Variants in SH3PXD2B observed in about 807,000 individuals in gnomAD.
The protein encoded by SH3PXD2B is SH3 and PX domains 2B.
In SH3PXD2B, 37 loss-of-function variants were observed where a neutral mutation model predicts 73.1. The ratio of observed to expected loss-of-function variants is 0.51; its 90% CI spans 0.39 to 0.67. The LOEUF is 0.67. Ranked by LOEUF, SH3PXD2B falls within the 30% of genes least tolerant of loss-of-function variation. The pLI is 0.00. For synonymous variants in SH3PXD2B, 457 were observed against 480.5 expected (o/e 0.95, Z 0.64); for missense variants, 1,053 against 1,197.8 (o/e 0.88, Z 1.78).
At chr5:172,428,551 C>T (rs906529665) in intron 1 of SH3PXD2B, among the ~76,000 whole-genome samples, 8 of 152,216 alleles carry the variant, frequency 5.3e-5, no homozygotes, top group African/African-American at 9.7e-5. Context: ...GGCTGTTGAA[C>T]AGGACACTCA....
At chr5:172,413,169 C>T (rs958403885) in intron 2 of SH3PXD2B, among the ~76,000 whole-genome samples, 6 of 152,226 alleles carry the variant, frequency 3.9e-5, no homozygotes, top group Non-Finnish European at 7.3e-5. Context: ...GGCCTGGGGC[C>T]ATCATGCGCA....
At chr5:172,357,828 A>G (rs1036687978) in intron 8 of SH3PXD2B, among the ~76,000 whole-genome samples, 1 of 152,206 alleles carries the variant, frequency 6.6e-6, no homozygotes, top group Non-Finnish European at 1.5e-5. Flanking sequence ...ACCTTTGGGC[A>G]CAGAAATTTC....
At chr5:172,372,345 T>C (rs1446022324) in intron 6 of SH3PXD2B, among the ~76,000 whole-genome samples, 1 of 151,740 alleles carries the variant, frequency 6.6e-6, no homozygotes, top group African/African-American at 2.4e-5. Context: ...CTCTCTCTCT[T>C]GGTCCTGCTC....
chr5:172,449,199 C>T lies in SH3PXD2B; in HGVS notation c.75+5079G>A, dbSNP rs537677449. Among the ~76,000 whole-genome samples, 6 of 152,228 alleles carry T rather than the reference C, an allele frequency of 3.9e-5. No individual in the cohort carries two copies. The South Asian group carries it at 8.3e-4, about 21-fold the overall frequency. ...TGGGGTGAGAATGACTAAGGGCTGG[C>T]GGTGGCTTGCACTTCTTCAGTCGGG... On this transcript the variant is annotated intron_variant, in intron 1 of 12. Transcript: ENST00000311601.
At chr5:172,329,075 A>ATTTTTTTTT (rs1561884420), downstream of SH3PXD2B, among the ~76,000 whole-genome samples, 2 of 71,140 alleles carry the variant, frequency 2.8e-5, no homozygotes, top group African/African-American at 1.1e-4. Context: ...ATATATATAT[A>ATTTTTTTTT]TATATATATT....
chr5:172,379,986 T>A (rs1757908308), intron 5 of SH3PXD2B, among the ~76,000 whole-genome samples: 1 of 152,198 alleles, frequency 6.6e-6, no homozygotes, highest in Non-Finnish European at 1.5e-5. Context: ...TCTTTCATTA[T>A]CATTTTGTTA....
intron 3 of SH3PXD2B, among the ~76,000 whole-genome samples, chr5:172,396,000 G>A (rs1758286969): frequency 6.6e-6 from 1 of 152,022 alleles, no homozygotes; most frequent in South Asian, 2.1e-4. Flanking sequence ...GACGGTTTCT[G>A]GTGAGATGGC....
intron 1 of SH3PXD2B, among the ~76,000 whole-genome samples, chr5:172,424,216 C>G (rs1216982473): frequency 6.6e-6 from 1 of 152,168 alleles, no homozygotes; most frequent in African/African-American, 2.4e-5. Context: ...GTGGCCAGTT[C>G]AAGTTGGGTT....
intron 3 of SH3PXD2B, among the ~76,000 whole-genome samples, chr5:172,398,024 A>T (rs1758344527): frequency 6.6e-6 from 1 of 152,226 alleles, no homozygotes. Context: ...CCGCTCTCTA[A>T]AGAAAAACTG....
chr5:172,368,864 TG>T (rs1210192925), intron 6 of SH3PXD2B, among the ~76,000 whole-genome samples: 4 of 116,544 alleles, frequency 3.4e-5, no homozygotes, highest in East Asian at 2.6e-4. Flanking sequence ...TATATATATA[TG>T]TTTTTAAATA....
intron 8 of SH3PXD2B, among the ~76,000 whole-genome samples, chr5:172,355,454 A>T (rs1293632387): frequency 6.6e-6 from 1 of 151,682 alleles, no homozygotes; most frequent in Non-Finnish European, 1.5e-5. Flanking sequence ...AAAGGGTGCC[A>T]CCCGGGTCCC....
At chr5:172,434,969 G>A (rs1759339246) in intron 1 of SH3PXD2B, among the ~76,000 whole-genome samples, 1 of 151,994 alleles carries the variant, frequency 6.6e-6, no homozygotes, top group African/African-American at 2.4e-5. Flanking sequence ...ATTTTTGGTA[G>A]AGATGGGGTT....
intron 6 of SH3PXD2B, among the ~76,000 whole-genome samples, chr5:172,364,375 A>T (rs566886507): frequency 3.9e-5 from 6 of 152,116 alleles, no homozygotes; most frequent in Admixed American, 3.9e-4. Flanking sequence ...GTCAAAATAC[A>T]CCCAATTGGC....
Position 172,364,772 on chromosome 5 carries a change from C to T in SH3PXD2B, c.428-1903G>A, listed in dbSNP as rs77284151. ...CAGAGCTGACTTTGTGCATCTCTCC[C>T]CACTCTGTTGGGTGGTGTCTTGTTG... On this transcript the variant is annotated intron_variant, in intron 6 of 12. Transcript: ENST00000311601. Among the ~76,000 whole-genome samples, 232 of 152,288 alleles carry T rather than the reference C, an allele frequency of 1.5e-3. 1 individual carries two copies. Among genetic ancestry groups the T allele is most frequent in the African/African-American group, 5.2e-3 (217 of 41,558 alleles).
At chr5:172,370,841 C>T (rs887482806) in intron 6 of SH3PXD2B, among the ~76,000 whole-genome samples, 1 of 152,182 alleles carries the variant, frequency 6.6e-6, no homozygotes, top group Non-Finnish European at 1.5e-5. Context: ...AGTGAAGACA[C>T]CTACTGGTGG....
downstream of SH3PXD2B, among the ~76,000 whole-genome samples, chr5:172,329,795 C>T (rs962393162): frequency 5.3e-5 from 8 of 152,112 alleles, no homozygotes; most frequent in Non-Finnish European, 1.0e-4. Flanking sequence ...CCTCGGCCTC[C>T]CAAAGTGCTG....
intron 3 of SH3PXD2B, among the ~76,000 whole-genome samples, 164 bp downstream of exon 3, chr5:172,406,113 C>T (rs1452522771): frequency 1.3e-5 from 2 of 152,186 alleles, no homozygotes; most frequent in Non-Finnish European, 2.9e-5. Flanking sequence ...CAAAAAATTG[C>T]AACCTCCGGC....
intron 6 of SH3PXD2B, among the ~76,000 whole-genome samples, chr5:172,370,970 G>T (rs1420456680): frequency 6.6e-6 from 1 of 152,172 alleles, no homozygotes; most frequent in Non-Finnish European, 1.5e-5. Flanking sequence ...GGATTCCTAG[G>T]CAAGGATTAT....
At chr5:172,396,279 C>A (rs893908368) in intron 3 of SH3PXD2B, among the ~76,000 whole-genome samples, 1 of 148,792 alleles carries the variant, frequency 6.7e-6, no homozygotes, top group African/African-American at 2.5e-5. Context: ...GAAGCTAAGG[C>A]AGGAGAATCA....
Sources: allele counts gnomAD v4.1 joint callset (sites outside exome capture counted in the v4.1 genomes callset), GRCh38; gene constraint gnomAD v4.1.1; transcripts MANE v1.5; gene names NCBI Gene and HGNC (gene_info 2026-07-23, HGNC 2026-07-21).